The following ZNF568 variants were observed in gnomAD, a reference collection of about 807,000 sequenced individuals.
ZNF568 encodes the protein zinc finger protein 568.
ZNF568 carries 11 observed loss-of-function variants against 18.1 expected under a neutral mutation model. The ratio of observed to expected loss-of-function variants is 0.61; its 90% CI spans 0.38 to 1.00. The LOEUF (loss-of-function observed/expected upper bound fraction) is 1.00. Among genes scored for constraint, ZNF568 ranks in the 50% least tolerant of loss-of-function variants. The probability of loss-of-function intolerance (pLI) is 0.01; values close to 1 mark genes in which losing one functional copy is unlikely to be tolerated. For missense variants in ZNF568, 639 were observed against 768.2 expected, an observed-to-expected ratio of 0.83 and a Z score of 1.99; for synonymous variants, 213 against 246.6, an observed-to-expected ratio of 0.86 and a Z score of 1.28.
At chr19:36,975,697 T>TTTTTTTTTC (rs2074279056) in intron 7 of ZNF568, among the ~76,000 whole-genome samples, 1 of 137,464 alleles carries the variant, frequency 7.3e-6, no homozygotes, top group Non-Finnish European at 1.6e-5. Context: ...TTTTTTTTTT[T>TTTTTTTTTC]TTTTTGAGAC....
downstream of ZNF568, among the ~76,000 whole-genome samples, chr19:36,953,352 G>T (rs1479858577): frequency 2.0e-5 from 3 of 152,090 alleles, no homozygotes; most frequent in Non-Finnish European, 4.4e-5. Context: ...TCCTGAGGTG[G>T]CCATAAGCAA....
chr19:36,922,926 C>A, intron 3 of ZNF568, 80 bp downstream of exon 3: 1 of 1,281,460 alleles, frequency 7.8e-7, no homozygotes, highest in Non-Finnish European at 1.1e-6. Context: ...TTCATTACTC[C>A]TACTGAGAAA....
At chr19:36,926,409 G>A (rs1179911407) in intron 4 of ZNF568, among the ~76,000 whole-genome samples, 2 of 151,950 alleles carry the variant, frequency 1.3e-5, no homozygotes, top group Admixed American at 1.3e-4. Context: ...CTGTTGGCGC[G>A]GTGGCCCTAG....
chr19:36,919,598 A>G (rs892246789), intron 2 of ZNF568, among the ~76,000 whole-genome samples: 1 of 152,170 alleles, frequency 6.6e-6, no homozygotes, highest in African/African-American at 2.4e-5. Context: ...CTAATCTGAT[A>G]GAAGGTGGAG....
At chr19:36,993,450 T>C (rs1667357) in intron 4 of ZNF568, among the ~76,000 whole-genome samples, 30,697 of 152,016 alleles carry the variant, frequency 0.2, 3,391 homozygotes, top group African/African-American at 0.29. Context: ...TTTCTTCGTC[T>C]TCTGTCTTTT....
At chr19:36,919,015 TG>T (rs2146262407) in intron 2 of ZNF568, among the ~76,000 whole-genome samples, 1 of 152,314 alleles carries the variant, frequency 6.6e-6, no homozygotes, top group African/African-American at 2.4e-5. Flanking sequence ...ATAAATATTT[TG>T]TTTATCAATT....
chr19:36,976,725 AC>A (rs2074288482), intron 7 of ZNF568, among the ~76,000 whole-genome samples: 1 of 152,192 alleles, frequency 6.6e-6, no homozygotes, highest in African/African-American at 2.4e-5. Context: ...AGCCTGACCA[AC>A]ATGGAGAAAC....
intron 4 of ZNF568, among the ~76,000 whole-genome samples, chr19:36,934,076 T>A (rs1456936310): frequency 2.0e-5 from 3 of 151,338 alleles, no homozygotes; most frequent in African/African-American, 7.3e-5. Flanking sequence ...TAATATTTCT[T>A]TGTATTCCTG....
chr19:36,938,396 AC>A (rs2073824851), intron 6 of ZNF568, among the ~76,000 whole-genome samples: 1 of 152,212 alleles, frequency 6.6e-6, no homozygotes, highest in African/African-American at 2.4e-5. Flanking sequence ...TATCAAATTA[AC>A]AAAGAAAAAT....
chr19:36,950,994 T>G lies in ZNF568; in HGVS notation c.1841T>G (p.Phe614Cys). The change falls in exon 7 of 7, where the codon TTT becomes TGT. Residue 614 changes from phenylalanine (F) to cysteine (C), a missense_variant. By Grantham distance (205) the Phe-to-Cys change is radical. Coordinates refer to ENST00000333987, the MANE Select transcript of ZNF568 (RefSeq NM_198539.4). ...AGAAGTCATACTGGTGAGAAACCCT[T>G]TGAATGTAATGAATGTGGGAAAGCA... is the stretch of plus-strand genomic sequence containing the variant. ...HMRSHTGEKP[F>C]ECNECGKAFS... is the part of the protein sequence containing the mutation. The G allele has an allele frequency of 6.2e-7, 1 of 1,611,270 alleles. No homozygotes were observed. Among genetic ancestry groups the G allele is most frequent in the Non-Finnish European group, 8.5e-7 (1 of 1,179,020 alleles).
At chr19:36,944,525 T>A (rs917642972) in intron 6 of ZNF568, among the ~76,000 whole-genome samples, 6 of 152,200 alleles carry the variant, frequency 3.9e-5, no homozygotes, top group African/African-American at 7.2e-5. Flanking sequence ...CATGTTTATT[T>A]CCTTAATTCA....
At chr19:36,932,637 G>A (rs145869799) in intron 4 of ZNF568, among the ~76,000 whole-genome samples, 1 of 152,078 alleles carries the variant, frequency 6.6e-6, no homozygotes, top group East Asian at 1.9e-4. Context: ...CATAGCAGTT[G>A]TGCTAGTTTA....
At position 36,922,803 on chromosome 19, in the gene ZNF568, C is replaced by T; in HGVS notation, c.33C>T (p.Ser11=). The T allele has an allele frequency of 1.2e-6, 2 of 1,614,008 alleles. No individual in the cohort carries two copies. The highest frequency in any genetic ancestry group is 1.7e-6 in the Non-Finnish European group (2 of 1,179,978). The part of the protein sequence containing the change: MTSQSSVISN[S]CVTMERLSHM... ...CTCAATCTTCAGTGATCAGCAATAG[C>T]TGTGTGACAATGGAGCGTTTGAGCC... The change falls in exon 3 of 7, where the codon AGC becomes AGT. Residue 11 remains serine (S), a synonymous_variant. Transcript: ENST00000333987.
At chr19:36,939,698 C>T (rs2146295054) in intron 6 of ZNF568, among the ~76,000 whole-genome samples, 1 of 152,024 alleles carries the variant, frequency 6.6e-6, no homozygotes, top group African/African-American at 2.4e-5. Context: ...CGTGACCATG[C>T]CTGGCTAATT....
intron 6 of ZNF568, among the ~76,000 whole-genome samples, chr19:36,961,321 CT>C (rs2074148174): frequency 1.4e-5 from 2 of 138,884 alleles, no homozygotes; most frequent in African/African-American, 5.3e-5. Flanking sequence ...ACTCTTTAAT[CT>C]ATTAGAAATA....
chr19:36,957,320 C>T (rs1326830604), downstream of ZNF568, among the ~76,000 whole-genome samples: 9 of 149,222 alleles, frequency 6.0e-5, no homozygotes, highest in Non-Finnish European at 1.2e-4. Flanking sequence ...CAATCTCTGC[C>T]TCCCGGGTTA....
At chr19:36,964,845 CG>C (rs2074182458) in intron 6 of ZNF568, among the ~76,000 whole-genome samples, 1 of 151,988 alleles carries the variant, frequency 6.6e-6, no homozygotes, top group South Asian at 2.1e-4. Flanking sequence ...AAGTGAAAGT[CG>C]ATACAAGAGG....
At chr19:36,928,383 A>T (rs564897190) in intron 4 of ZNF568, among the ~76,000 whole-genome samples, 10 of 152,216 alleles carry the variant, frequency 6.6e-5, no homozygotes, top group Admixed American at 3.3e-4. Flanking sequence ...AAAGTAAAAG[A>T]ACATTTTCTT....
exon 5 of ZNF568, chr19:36,997,054 G>A (rs987429847): frequency 9.6e-6 from 15 of 1,566,618 alleles, no homozygotes; most frequent in Non-Finnish European, 1.2e-5. Context: ...TAAATGTAAG[G>A]AATGTGGAAA....
Sources: allele counts gnomAD v4.1 joint callset (sites outside exome capture counted in the v4.1 genomes callset), GRCh38; gene constraint gnomAD v4.1.1; transcripts MANE v1.5; gene names NCBI Gene and HGNC (gene_info 2026-07-23, HGNC 2026-07-21).